FERMT2: variants seen among roughly 807,000 people sequenced by gnomAD.
The protein encoded by FERMT2 is fermitin family homolog 2.
A neutral mutation model predicts 82.7 loss-of-function variants in FERMT2; 15 were observed. The observed-to-expected ratio is 0.18, with a 90% CI of 0.12 to 0.28. The LOEUF is 0.28. FERMT2 is among the 10% of genes least tolerant of loss of function. The pLI, the probability that FERMT2 is intolerant of heterozygous loss-of-function variation, is 1.00. For synonymous variants in FERMT2, 274 were observed against 271.5 expected, an observed-to-expected ratio of 1.01 and a Z score of -0.09; for missense variants, 645 against 809.4, an observed-to-expected ratio of 0.80 and a Z score of 2.46.
At chr14:52,861,484 G>T (rs2140051871) in intron 12 of FERMT2, 1 of 157,182 alleles carries the variant, frequency 6.4e-6, no homozygotes, top group African/African-American at 2.4e-5. Context: ...CAGATAATAT[G>T]ATCCATGCAC....
At chr14:52,925,984 A>C (rs992405760) in intron 2 of FERMT2, among the ~76,000 whole-genome samples, 3 of 152,138 alleles carry the variant, frequency 2.0e-5, no homozygotes, top group African/African-American at 7.2e-5. Context: ...TATCTAGTGT[A>C]TTACAGCACA....
intron 2 of FERMT2, among the ~76,000 whole-genome samples, chr14:52,926,356 T>A (rs1196412954): frequency 5.3e-5 from 8 of 152,016 alleles, no homozygotes; most frequent in African/African-American, 1.9e-4. Flanking sequence ...TAAATAAACA[T>A]TTCTGATTTC....
chr14:52,868,573 C>A (rs1207801990), intron 10 of FERMT2, among the ~76,000 whole-genome samples: 1 of 152,126 alleles, frequency 6.6e-6, no homozygotes, highest in Non-Finnish European at 1.5e-5. Flanking sequence ...TTAGTATTAG[C>A]TGAAATGAAT....
chr14:52,886,043 A>G (rs1886582978), intron 4 of FERMT2, among the ~76,000 whole-genome samples: 1 of 152,000 alleles, frequency 6.6e-6, no homozygotes, highest in Admixed American at 6.5e-5. Flanking sequence ...GCAAAAATAT[A>G]AATAAAATAA....
intron 10 of FERMT2, among the ~76,000 whole-genome samples, chr14:52,868,856 G>A (rs1226026898): frequency 6.6e-6 from 1 of 152,168 alleles, no homozygotes; most frequent in Non-Finnish European, 1.5e-5. Context: ...TAGAAGAGCA[G>A]CATCCAGACC....
chr14:52,917,272 G>A lies in FERMT2; in HGVS notation c.391+1851C>T, dbSNP rs190071700. ...TATGGATATATACACACAGAGATAC[G>A]TGTGTGTGTGTGTGTGTGTGTGTAT... On this transcript the variant is annotated intron_variant, in intron 3 of 14. Transcript: ENST00000341590. Among the ~76,000 whole-genome samples, 542 of 112,484 alleles carry A rather than the reference G, an allele frequency of 4.8e-3. 1 individual carries two copies. The highest frequency in any genetic ancestry group is 0.015 in the African/African-American group (476 of 31,014). The allele number at this position is 112,484 out of a possible 152,430, so 73.8% of individuals were successfully genotyped here. A position where few individuals can be genotyped will look rare whatever the true frequency, so the allele number is the denominator to read the frequency against.
intron 9 of FERMT2, 73 bp downstream of exon 9, chr14:52,874,103 TA>T (rs1233769273): frequency 2.1e-6 from 2 of 940,756 alleles, no homozygotes; most frequent in African/African-American, 3.4e-5. Context: ...ACTTAACAGT[TA>T]GTTTCAATAA....
chr14:52,874,861 G>T (rs1014693354), intron 8 of FERMT2, among the ~76,000 whole-genome samples: 1 of 152,134 alleles, frequency 6.6e-6, no homozygotes, highest in Non-Finnish European at 1.5e-5. Context: ...TTTGAGATCA[G>T]ACTAGACAAC....
rs534377454 is a variant in FERMT2, at chr14:52,925,884, T to C, written c.158-6528A>G. ...GTCTTGAATTCCTGACCTCAAGTGATCCAACCCCCTTGGCCTCCCAAAGTG... is the reference window on the plus strand; with the variant it reads ...GTCTTGAATTCCTGACCTCAAGTGACCCAACCCCCTTGGCCTCCCAAAGTG... On this transcript the variant is annotated intron_variant, in intron 2 of 14. Transcript: ENST00000341590. Among the ~76,000 whole-genome samples the C allele has an allele frequency of 2.6e-5, 4 of 152,244 alleles. No homozygotes were observed. In the South Asian group the frequency reaches 6.2e-4, roughly 24 times the overall value.
intron 2 of FERMT2, among the ~76,000 whole-genome samples, chr14:52,936,072 G>A (rs1179944092): frequency 2.0e-5 from 3 of 152,182 alleles, no homozygotes; most frequent in African/African-American, 7.2e-5. Flanking sequence ...CTAGAAGACA[G>A]GGCTCGGAGT....
intron 2 of FERMT2, among the ~76,000 whole-genome samples, chr14:52,935,346 A>T (rs1260335225): frequency 6.6e-6 from 1 of 152,184 alleles, no homozygotes; most frequent in Non-Finnish European, 1.5e-5. Context: ...AGGCAGTGTC[A>T]AATTATGGGA....
chr14:52,909,856 C>T (rs1888214665), intron 3 of FERMT2, among the ~76,000 whole-genome samples: 1 of 152,028 alleles, frequency 6.6e-6, no homozygotes, highest in African/African-American at 2.4e-5. Context: ...GGATCGAGAC[C>T]ATCCTGGCAA....
intron 3 of FERMT2, among the ~76,000 whole-genome samples, chr14:52,913,680 C>CAGTAGTAGTAGT (rs60319673): frequency 1.7e-3 from 248 of 147,850 alleles, no homozygotes; most frequent in African/African-American, 5.5e-3. Flanking sequence ...CAGCCAAAAA[C>CAGTAGTAGTAGT]AGTAGTAGTA....
At chr14:52,908,049 G>A (rs1888115667) in intron 3 of FERMT2, among the ~76,000 whole-genome samples, 2 of 152,150 alleles carry the variant, frequency 1.3e-5, no homozygotes, top group Admixed American at 6.5e-5. Flanking sequence ...GACTCAAACA[G>A]ACACCTCACC....
chr14:52,933,738 G>GAAAAAAAAAAAAACCCAAAA (rs1566759381), intron 2 of FERMT2, among the ~76,000 whole-genome samples: 1 of 103,592 alleles, frequency 9.7e-6, no homozygotes, highest in Non-Finnish European at 1.8e-5. Flanking sequence ...AAAAAAAAAA[G>GAAAAAAAAAAAAACCCAAAA]GGAAAAGAAA....
intron 4 of FERMT2, among the ~76,000 whole-genome samples, chr14:52,884,491 C>A (rs1200204665): frequency 6.6e-6 from 1 of 151,986 alleles, no homozygotes; most frequent in Non-Finnish European, 1.5e-5. Context: ...GTAATCCCAG[C>A]TACTTGGGAG....
intron 3 of FERMT2, 61 bp from the exon 4 acceptor site, chr14:52,893,488 TAA>T (rs1887074015): frequency 2.4e-6 from 3 of 1,258,264 alleles, no homozygotes; most frequent in Non-Finnish European, 3.3e-6. Flanking sequence ...TTACACTTAG[TAA>T]ATCTATTGTT....
chr14:52,858,065 T>C lies in FERMT2; in HGVS notation c.*312A>G, dbSNP rs1160967646. 3.5e-6 allele frequency: 1 copy of C among 289,030 alleles called. No homozygotes were observed. The highest frequency in any genetic ancestry group is 6.6e-5 in the East Asian group (1 of 15,038). 17.9% of individuals were successfully genotyped at this position (289,030 alleles called of 1,614,324 possible). On this transcript the variant is annotated 3_prime_UTR_variant, in exon 15 of 15. Coordinates refer to ENST00000341590, the MANE Select transcript of FERMT2 (RefSeq NM_006832.3). ...AAGCCCTGGATAGCTTTAAAATAGA[T>C]GGCTTGTTTCTTACAGTTTGGCTAG...
At chr14:52,871,664 T>G (rs568996579) in intron 10 of FERMT2, 2 of 152,230 alleles carry the variant, frequency 1.3e-5, no homozygotes, top group African/African-American at 4.8e-5. Flanking sequence ...AATAGAAAAT[T>G]AAGCTGTAGG....
Sources: gnomAD v4.1 joint callset for allele counts (sites outside exome capture counted in the v4.1 genomes callset) on GRCh38, gnomAD v4.1.1 for gene constraint, MANE v1.5 for transcripts, NCBI Gene and HGNC (gene_info 2026-07-23, HGNC 2026-07-21) for gene names.